ABCA9: variants seen among roughly 807,000 people sequenced by gnomAD.
ABCA9 encodes ATP-binding cassette sub-family A member 9.
A neutral mutation model predicts 205.3 loss-of-function variants in ABCA9; 183 were observed. The ratio of observed to expected loss-of-function variants is 0.89; its 90% confidence interval spans 0.79 to 1.01. ABCA9 has a LOEUF of 1.01. ABCA9 is among the 50% of genes least tolerant of loss of function. ABCA9 has a pLI of 0.00. For synonymous variants in ABCA9, 651 were observed against 683.3 expected (o/e 0.95, Z 0.74); for missense variants, 1,805 against 1,912.4 (o/e 0.94, Z 1.05).
At chr17:68,977,851 T>G (rs2068932472) in intron 37 of ABCA9, among the ~76,000 whole-genome samples, 1 of 152,232 alleles carries the variant, frequency 6.6e-6, no homozygotes, top group African/African-American at 2.4e-5. Context: ...ATAAATACTT[T>G]GTTTTTCCCC....
intron 34 of ABCA9, among the ~76,000 whole-genome samples, chr17:68,984,670 C>T (rs188347614): frequency 3.9e-5 from 6 of 152,268 alleles, no homozygotes; most frequent in Admixed American, 3.9e-4. Flanking sequence ...TAGGCACAGA[C>T]ACAAAAATTA....
chr17:69,020,688 T>C, intron 18 of ABCA9, 102 bp from the exon 19 acceptor site: 2 of 993,042 alleles, frequency 2.0e-6, no homozygotes, highest in Non-Finnish European at 3.0e-6. Flanking sequence ...AGTTACCCTC[T>C]TGGGCCAAGA....
At chr17:68,979,402 A>G (rs1316605415) in intron 37 of ABCA9, among the ~76,000 whole-genome samples, 1 of 152,206 alleles carries the variant, frequency 6.6e-6, no homozygotes, top group African/African-American at 2.4e-5. Flanking sequence ...CAAGCTACCA[A>G]TGACTTTCTT....
intron 27 of ABCA9, 142 bp downstream of exon 27, chr17:68,992,874 C>G: frequency 1.6e-6 from 1 of 610,930 alleles, no homozygotes; most frequent in Non-Finnish European, 2.9e-6. Flanking sequence ...TGTGTGCACG[C>G]ATGCATGCAT....
chr17:68,993,229 T>A, intron 26 of ABCA9, 145 bp from the exon 27 acceptor site: 1 of 660,960 alleles, frequency 1.5e-6, no homozygotes, highest in Non-Finnish European at 2.6e-6. Flanking sequence ...AAAAGTTAAT[T>A]TCGGACTGTG....
chr17:69,028,942 A>C (rs2071078227), intron 11 of ABCA9, among the ~76,000 whole-genome samples: 1 of 152,148 alleles, frequency 6.6e-6, no homozygotes, highest in Admixed American at 6.5e-5. Context: ...GAATTTCATA[A>C]TACTATCATA....
chr17:68,996,513 G>T (rs1598346470), intron 25 of ABCA9, among the ~76,000 whole-genome samples: 1 of 152,152 alleles, frequency 6.6e-6, no homozygotes, highest in Admixed American at 6.5e-5. Context: ...GACACTTTTA[G>T]TCTGGAAGGA....
At chr17:69,011,036 A>G (rs1468502353) in intron 23 of ABCA9, among the ~76,000 whole-genome samples, 3 of 152,206 alleles carry the variant, frequency 2.0e-5, no homozygotes, top group Non-Finnish European at 2.9e-5. Flanking sequence ...CTAGAACTAA[A>G]GCCTGGACAT....
chr17:69,076,619 C>T, the ABCA9 span, among the ~76,000 whole-genome samples: 1 of 152,080 alleles, frequency 6.6e-6, no homozygotes, highest in African/African-American at 2.4e-5. Context: ...TGATAGAATT[C>T]AGTTGTGAAT....
intron 37 of ABCA9, among the ~76,000 whole-genome samples, chr17:68,979,886 G>T (rs879062927): frequency 3.9e-5 from 6 of 152,100 alleles, no homozygotes; most frequent in African/African-American, 1.2e-4. Context: ...AAGGACTTCA[G>T]GTCTAAAACA....
At chr17:68,980,387 G>A (rs539921146) in intron 37 of ABCA9, among the ~76,000 whole-genome samples, 28 of 152,114 alleles carry the variant, frequency 1.8e-4, no homozygotes, top group African/African-American at 6.5e-4. Context: ...TGATTCCTCA[G>A]TGATCTTGAC....
At chr17:69,041,729 T>TTATCTATCTGTC (rs2071547451) in intron 6 of ABCA9, among the ~76,000 whole-genome samples, 4 of 149,350 alleles carry the variant, frequency 2.7e-5, no homozygotes, top group African/African-American at 9.9e-5. Flanking sequence ...AAGAAAGAAA[T>TTATCTATCTGTC]TATCTATCTA....
In ABCA9 at chr17:68,984,902, C is replaced by G; in HGVS notation, c.4362G>C (p.Glu1454Asp). 6.2e-7 allele frequency: 1 copy of G among 1,614,192 alleles called. No homozygotes were observed. The highest frequency in any genetic ancestry group is 8.5e-7 in the Non-Finnish European group (1 of 1,180,036). Residue 1454 changes from glutamate to aspartate, a missense_variant, in exon 34 of 39, where the codon GAG (glutamate) becomes GAC (aspartate). Coordinates refer to ENST00000340001, the MANE Select transcript of ABCA9 (RefSeq NM_080283.4). ...CACCTCACCACATTTGCTGCTGCCC[C>G]TCGGGGTCCATCCCGGTCGACGGCT... ...LDEPSTGMDP[E>D]GQQQMWQVIR...
intron 6 of ABCA9, among the ~76,000 whole-genome samples, chr17:69,037,276 C>T (rs1480332567): frequency 6.6e-6 from 1 of 152,154 alleles, no homozygotes; most frequent in Non-Finnish European, 1.5e-5. Flanking sequence ...TTCTCAGCAC[C>T]ACATAGCACT....
At position 69,004,695 on chromosome 17, in the gene ABCA9, GC is replaced by G. The variant is rs1157163403; in HGVS notation, c.3435+3063del. 560 of 166,694 alleles carry G rather than the reference GC, an allele frequency of 3.4e-3. 3 individuals carry two copies. The highest frequency in any genetic ancestry group is 0.013 in the African/African-American group (540 of 41,786). The allele number at this position is 166,694 out of a possible 1,614,324, so 10.3% of individuals were successfully genotyped here. On this transcript the variant is annotated intron_variant, in intron 25 of 38. Coordinates refer to ENST00000340001, the MANE Select transcript of ABCA9 (RefSeq NM_080283.4). ...CCTAAGCAAGCCTGGGCAATGGCAG[GC>G]GCCCCTCCCCCAGCCTCGCTGCCGC...
rs760578079 is a variant in ABCA9 at position 69,045,319 on chromosome 17, A to G, written c.322T>C (p.Trp108Arg). Residue 108 changes from tryptophan to arginine, a missense_variant, in exon 4 of 39, where the codon TGG becomes CGG. Physicochemically the swap from Trp to Arg is moderately radical, Grantham distance 101. Coordinates refer to ENST00000340001, the MANE Select transcript of ABCA9 (RefSeq NM_080283.4). The stretch of plus-strand genomic sequence containing the variant: ...TCATCCATGCTTTTTTCATCAGGCC[A>G]CCCCATGATTGTTCTTCCTGCCATG... ...PFLKGRTIMG[W>R]PDEKSMDELD... The G allele has an allele frequency of 3.1e-6, 5 of 1,610,564 alleles. No homozygotes were observed. The African/African-American group carries it at 6.7e-5, about 22-fold the overall frequency.
rs1023321757 is a variant in ABCA9, at chr17:69,008,105, C to T, written c.3278G>A (p.Ser1093Asn). The T allele has an allele frequency of 3.7e-6, 6 of 1,613,018 alleles. No individual in the cohort carries two copies. Among genetic ancestry groups the T allele is most frequent in the Non-Finnish European group, 5.1e-6 (6 of 1,179,160 alleles). Residue 1093 changes from serine (S) to asparagine (N), a missense_variant, in exon 24 of 39, where the codon AGC becomes AAC. Physicochemically the swap from Ser to Asn is conservative, Grantham distance 46. Coordinates refer to ENST00000340001, the MANE Select transcript of ABCA9 (RefSeq NM_080283.4). ...LLMQIMDYIFSPEEIIFIIQN... is the reference protein window; with the variant it reads ...LLMQIMDYIFNPEEIIFIIQN... ...AATTATAAATATAATCTCCTCTGGG[C>T]TAAAAATATAATCCATTATTTGCAT...
intron 10 of ABCA9, 149 bp downstream of exon 10, chr17:69,031,959 G>A (rs993507742): frequency 3.5e-6 from 2 of 568,230 alleles, no homozygotes; most frequent in African/African-American, 3.7e-5. Context: ...TGCTATGAAG[G>A]ATGAGTATAG....
rs569522639 is a variant in ABCA9, at chr17:68,992,208, C to T, written c.3683G>A (p.Arg1228Lys). ...FILRCLEMNC[R>K]KKLMRKDPVF... ...AGGATCCTTTCTCATTAGTTTCTTC[C>T]TGCAGTTCATTTCTAGGCATCGCAG... The change falls in exon 28 of 39, where the codon AGG becomes AAG. Residue 1228 changes from arginine to lysine, a missense_variant. Transcript: ENST00000340001. The T allele has an allele frequency of 1.0e-5, 16 of 1,601,024 alleles. No individual in the cohort carries two copies. The highest frequency in any genetic ancestry group is 1.4e-5 in the Non-Finnish European group (16 of 1,173,424).
Sources: gnomAD v4.1 joint callset for allele counts (sites outside exome capture counted in the v4.1 genomes callset) on GRCh38, gnomAD v4.1.1 for gene constraint, MANE v1.5 for transcripts, NCBI Gene and HGNC (gene_info 2026-07-23, HGNC 2026-07-21) for gene names.